TMTC1: variants seen among roughly 807,000 people sequenced by gnomAD.
The protein encoded by TMTC1 is transmembrane O-mannosyltransferase targeting cadherins 1, also known as protein O-mannosyl-transferase TMTC1.
A neutral mutation model predicts 104.8 loss-of-function variants in TMTC1; 73 were observed. That is an observed-to-expected ratio of 0.70 (90% CI 0.58 to 0.85). The LOEUF (loss-of-function observed/expected upper bound fraction) is 0.85, where lower values mean the gene tolerates loss of function less well. Among genes scored for constraint, TMTC1 ranks in the 40% least tolerant of loss-of-function variants. The pLI, the probability that TMTC1 is intolerant of heterozygous loss-of-function variation, is 0.00. For missense variants in TMTC1, 1,035 were observed against 1,096.1 expected, an observed-to-expected ratio of 0.94 and a Z score of 0.79; for synonymous variants, 434 against 428.7, an observed-to-expected ratio of 1.01 and a Z score of -0.15.
intron 7 of TMTC1, among the ~76,000 whole-genome samples, chr12:29,599,300 C>A (rs961282434): frequency 6.6e-6 from 1 of 152,170 alleles, no homozygotes; most frequent in Non-Finnish European, 1.5e-5. Context: ...AACTCTCTTG[C>A]CTGTTCAAAA....
At chr12:29,574,835 T>G (rs11050291) in intron 8 of TMTC1, among the ~76,000 whole-genome samples, 1 of 152,084 alleles carries the variant, frequency 6.6e-6, no homozygotes, top group African/African-American at 2.4e-5. Flanking sequence ...ATATATGAAT[T>G]TGAAGGGATG....
chr12:29,599,615 C>G (rs752433235), intron 7 of TMTC1, among the ~76,000 whole-genome samples: 5 of 152,152 alleles, frequency 3.3e-5, no homozygotes, highest in African/African-American at 4.8e-5. Context: ...GCCAAATCAG[C>G]CCCCTGGGAT....
rs1434521014 is a variant in TMTC1, at chr12:29,502,161, T to G, written c.*4685A>C. 2 of 152,152 alleles carry G rather than the reference T, an allele frequency of 1.3e-5. No individual in the cohort carries two copies. The highest frequency in any genetic ancestry group is 2.9e-5 in the Non-Finnish European group (2 of 68,020). The allele number at this position is 152,152 out of a possible 1,614,324, so 9.4% of individuals were successfully genotyped here. A position where few individuals can be genotyped will look rare whatever the true frequency, so the allele number is the denominator to read the frequency against. On this transcript the variant is annotated 3_prime_UTR_variant, in exon 18 of 18. Coordinates refer to ENST00000539277, the MANE Select transcript of TMTC1 (RefSeq NM_001193451.2). Reference sequence around the variant, plus strand: ...AAAAGATACCATTTAAATAGCTAAGTTAACCTATATTTGGGAGATACCAAC... The same window carrying G: ...AAAAGATACCATTTAAATAGCTAAGGTAACCTATATTTGGGAGATACCAAC...
At chr12:29,779,439 G>C (rs560323825) in intron 1 of TMTC1, among the ~76,000 whole-genome samples, 1 of 152,158 alleles carries the variant, frequency 6.6e-6, no homozygotes, top group African/African-American at 2.4e-5. Flanking sequence ...AAAACTGGTA[G>C]AAGTAGATGG....
intron 11 of TMTC1, among the ~76,000 whole-genome samples, chr12:29,526,760 A>G (rs552522340): frequency 6.6e-6 from 1 of 152,266 alleles, no homozygotes; most frequent in South Asian, 2.1e-4. Context: ...AAAGTTAACT[A>G]TGGTCATGGT....
intron 5 of TMTC1, among the ~76,000 whole-genome samples, chr12:29,670,439 A>G (rs1266374087): frequency 6.6e-6 from 1 of 152,166 alleles, no homozygotes; most frequent in East Asian, 1.9e-4. Context: ...TAATGGTCAA[A>G]TAACTTGTCC....
Position 29,518,546 on chromosome 12 carries a change from G to T in TMTC1, c.1950C>A (p.His650Gln), listed in dbSNP as rs140996401. The change falls in exon 13 of 18, where the codon CAC becomes CAA. Residue 650 changes from histidine (H) to glutamine (Q), a missense_variant. Transcript: ENST00000539277. ...QQAIKLSPSH[H>Q]VAMVNLGRLY... ...GTCTTCCCAAGTTCACCATGGCCAC[G>T]TGATGACTGGGGCTAAGTTTGATGG... is the stretch of plus-strand genomic sequence containing the variant. 5.7e-5 allele frequency: 92 copies of T among 1,614,118 alleles called. 2 individuals are homozygous for T. In the East Asian group the frequency reaches 1.4e-3, roughly 25 times the overall value.
intron 5 of TMTC1, among the ~76,000 whole-genome samples, chr12:29,677,777 G>A (rs774266959): frequency 5.3e-5 from 8 of 152,158 alleles, no homozygotes; most frequent in Non-Finnish European, 8.8e-5. Context: ...ATCGACTGCC[G>A]CAGCATCACA....
rs775387268 is a variant in TMTC1 at position 29,517,376 on chromosome 12, A to G, written c.2169+51T>C. 4 of 1,608,944 alleles carry G rather than the reference A, an allele frequency of 2.5e-6. No individual in the cohort carries two copies. The South Asian group carries it at 3.3e-5, about 13-fold the overall frequency. On this transcript the variant is annotated intron_variant, in intron 14 of 17. Transcript: ENST00000539277. ...AGGCGTGAGGACTACAGCTCTCTCTATGGCTGCCTGTGCTTAGGTTGCCAG... is the reference window on the plus strand; with the variant it reads ...AGGCGTGAGGACTACAGCTCTCTCTGTGGCTGCCTGTGCTTAGGTTGCCAG...
At chr12:29,616,600 G>A (rs142766966) in intron 6 of TMTC1, among the ~76,000 whole-genome samples, 15 of 151,152 alleles carry the variant, frequency 9.9e-5, no homozygotes, top group East Asian at 1.9e-4. Flanking sequence ...TCCGGGAGGC[G>A]GAGGTTGCAG....
At chr12:29,533,053 C>G (rs1409250109) in intron 11 of TMTC1, 1 of 152,128 alleles carries the variant, frequency 6.6e-6, no homozygotes. Context: ...CATAGAAAAG[C>G]CTTTTCCAAA....
chr12:29,778,494 A>G (rs966039449), intron 1 of TMTC1, among the ~76,000 whole-genome samples: 1 of 152,222 alleles, frequency 6.6e-6, no homozygotes, highest in African/African-American at 2.4e-5. Flanking sequence ...AGAGTAGCTT[A>G]ATGCATTTCT....
chr12:29,771,892 A>G (rs1943602869), intron 1 of TMTC1, among the ~76,000 whole-genome samples: 1 of 152,202 alleles, frequency 6.6e-6, no homozygotes, highest in South Asian at 2.1e-4. Flanking sequence ...TCTCCAGGGG[A>G]AAAGATCTTT....
At chr12:29,628,958 G>A (rs1051534960) in intron 6 of TMTC1, among the ~76,000 whole-genome samples, 18 of 151,982 alleles carry the variant, frequency 1.2e-4, no homozygotes, top group Admixed American at 3.3e-4. Flanking sequence ...GACTGCGCCC[G>A]GCCTCAGGCA....
At chr12:29,524,324 A>C (rs1944273175) in intron 11 of TMTC1, among the ~76,000 whole-genome samples, 1 of 152,220 alleles carries the variant, frequency 6.6e-6, no homozygotes, top group African/African-American at 2.4e-5. Context: ...ACTTGTTTTA[A>C]TCAAGCAGTC....
chr12:29,687,094 G>T (rs147087451), intron 5 of TMTC1, among the ~76,000 whole-genome samples: 2 of 152,088 alleles, frequency 1.3e-5, no homozygotes, highest in African/African-American at 4.8e-5. Flanking sequence ...ACAATAATAC[G>T]CAAGAAAATA....
At chr12:29,721,337 TA>T (rs1390466363) in intron 5 of TMTC1, among the ~76,000 whole-genome samples, 1 of 34,628 alleles carries the variant, frequency 2.9e-5, no homozygotes, top group Admixed American at 1.6e-4. Context: ...ACCTGAAAGA[TA>T]AAAGTTTGAA....
At chr12:29,669,729 C>A (rs1396267487) in intron 5 of TMTC1, among the ~76,000 whole-genome samples, 1 of 152,192 alleles carries the variant, frequency 6.6e-6, no homozygotes, top group Non-Finnish European at 1.5e-5. Flanking sequence ...TATATAAAAA[C>A]TTGCTACTAA....
chr12:29,746,572 G>A (rs552642518), intron 5 of TMTC1, among the ~76,000 whole-genome samples: 10 of 152,284 alleles, frequency 6.6e-5, no homozygotes, highest in African/African-American at 1.4e-4. Context: ...AAAAGAGTAC[G>A]ATGAAAGGTC....
Sources: gnomAD v4.1 joint callset for allele counts (sites outside exome capture counted in the v4.1 genomes callset) on GRCh38, gnomAD v4.1.1 for gene constraint, MANE v1.5 for transcripts, NCBI Gene and HGNC (gene_info 2026-07-23, HGNC 2026-07-21) for gene names.